Variants in SLC12A8 observed in about 807,000 individuals in gnomAD.
The protein encoded by SLC12A8 is cation-chloride cotransporter 9.
Under a neutral mutation model 75.6 loss-of-function variants are expected in SLC12A8, and 69 were observed. That is an observed-to-expected ratio of 0.91 (90% CI 0.75 to 1.11). The LOEUF (loss-of-function observed/expected upper bound fraction) is 1.11. Ranked by LOEUF, SLC12A8 falls within the 50% of genes most tolerant of loss-of-function variation. The pLI, the probability that SLC12A8 is intolerant of heterozygous loss-of-function variation, is 0.00. For missense variants in SLC12A8, 877 were observed against 896.7 expected (o/e 0.98, Z 0.28); for synonymous variants, 365 against 372.8 (o/e 0.98, Z 0.24).
At chr3:125,099,030 C>T (rs1335859882) in intron 10 of SLC12A8, among the ~76,000 whole-genome samples, 11 of 152,206 alleles carry the variant, frequency 7.2e-5, no homozygotes, top group East Asian at 3.8e-4. Context: ...ACTACGCCCA[C>T]GCCTGGGGAG....
intron 2 of SLC12A8, among the ~76,000 whole-genome samples, chr3:125,194,451 T>G (rs1275285099): frequency 3.9e-5 from 5 of 128,012 alleles, no homozygotes; most frequent in East Asian, 2.7e-4. Context: ...TTGGTGGGGG[T>G]AGGGGGTTGT....
At chr3:125,122,478 T>C (rs891010604) in intron 6 of SLC12A8, among the ~76,000 whole-genome samples, 1 of 152,098 alleles carries the variant, frequency 6.6e-6, no homozygotes, top group African/African-American at 2.4e-5. Flanking sequence ...CAAAGAGAAG[T>C]TGGGAGGAGG....
chr3:125,129,166 A>G (rs188140599), intron 6 of SLC12A8, among the ~76,000 whole-genome samples: 65 of 152,332 alleles, frequency 4.3e-4, no homozygotes, highest in Admixed American at 3.4e-3. Context: ...GTAAGAGTTT[A>G]GAATCTGGGA....
intron 2 of SLC12A8, among the ~76,000 whole-genome samples, chr3:125,204,716 G>C (rs1472333771): frequency 1.3e-5 from 2 of 152,114 alleles, no homozygotes; most frequent in Non-Finnish European, 2.9e-5. Flanking sequence ...AAAATAGCTA[G>C]AGGAGAAGAT....
At chr3:125,186,332 C>T (rs924939966) in intron 4 of SLC12A8, among the ~76,000 whole-genome samples, 9 of 152,110 alleles carry the variant, frequency 5.9e-5, no homozygotes, top group Admixed American at 1.3e-4. Flanking sequence ...ACACAGGCAC[C>T]CCCACCGCCC....
rs201636734 is a variant in SLC12A8 at position 125,091,451 on chromosome 3, C to G, written c.1909G>C (p.Gly637Arg). 1,145 of 1,613,204 alleles carry G rather than the reference C, an allele frequency of 7.1e-4. 1 individual carries two copies. The highest frequency in any genetic ancestry group is 9.4e-4 in the Non-Finnish European group (1,103 of 1,179,288). The change falls in exon 12 of 14, where the codon GGG (glycine) becomes CGG (arginine). Residue 637 changes from glycine to arginine, a missense_variant. Coordinates refer to ENST00000469902, the MANE Select transcript of SLC12A8 (RefSeq NM_024628.6). Reference sequence around the variant, plus strand: ...CTCTGCTGCTTACCAAGGTGAAGCCCTGGACTGGCCCGGCCAATGTAGAAA... The same window carrying G: ...CTCTGCTGCTTACCAAGGTGAAGCCGTGGACTGGCCCGGCCAATGTAGAAA... ...VYFYIGRASP[G>R]LHLGSASNFS...
chr3:125,177,778 T>G lies in SLC12A8; in HGVS notation c.587A>C (p.Asp196Ala). 9.9e-6 allele frequency: 16 copies of G among 1,613,950 alleles called. No homozygotes were observed. The highest frequency in any genetic ancestry group is 1.4e-5 in the Non-Finnish European group (16 of 1,179,978). The change falls in exon 5 of 14, where the codon GAC (aspartate) becomes GCC (alanine). Residue 196 changes from aspartate to alanine, a missense_variant. Transcript: ENST00000469902. ...LLFLLAVSTL[D>A]FVVGSFTHLD... is the part of the protein sequence containing the mutation. ...GTGGGTGAAAGAACCCACCACAAAG[T>G]CCAGTGTGGACACGGCCAGCAGGAA...
At chr3:125,120,439 G>A (rs970596185) in intron 7 of SLC12A8, among the ~76,000 whole-genome samples, 160 bp downstream of exon 7, 7 of 152,094 alleles carry the variant, frequency 4.6e-5, no homozygotes, top group East Asian at 1.9e-4. Flanking sequence ...CCCACCAGAC[G>A]TGAATTTTCC....
At chr3:125,183,415 A>T (rs1326977604) in intron 4 of SLC12A8, among the ~76,000 whole-genome samples, 1 of 152,098 alleles carries the variant, frequency 6.6e-6, no homozygotes, top group Non-Finnish European at 1.5e-5. Context: ...GCCTATTTTC[A>T]GGGTGTAATG....
chr3:125,121,144 C>T (rs1685465825), intron 6 of SLC12A8, among the ~76,000 whole-genome samples: 1 of 152,200 alleles, frequency 6.6e-6, no homozygotes, highest in African/African-American at 2.4e-5. Context: ...CAGGTACCAT[C>T]CTCCAAGCCC....
chr3:125,120,156 C>T (rs1933015237), intron 7 of SLC12A8, among the ~76,000 whole-genome samples: 1 of 152,170 alleles, frequency 6.6e-6, no homozygotes, highest in Non-Finnish European at 1.5e-5. Flanking sequence ...TCAGAGAACT[C>T]AGTAAATTGT....
Position 125,138,502 on chromosome 3 carries a change from T to C in SLC12A8, c.623-2720A>G, listed in dbSNP as rs77940264. Among the ~76,000 whole-genome samples the C allele has an allele frequency of 8.6e-4, 131 of 152,318 alleles. No individual in the cohort carries two copies. The East Asian group carries it at 0.016, about 18-fold the overall frequency. ...ATTTTAAATGCTTATAAAGAGTTTT[T>C]AGTATAAGAGAAAACTGTCCATGTT... is the stretch of plus-strand genomic sequence containing the variant. On this transcript the variant is annotated intron_variant, in intron 5 of 13. Coordinates refer to ENST00000469902, the MANE Select transcript of SLC12A8 (RefSeq NM_024628.6).
At chr3:125,169,572 A>G (rs1934364896) in intron 5 of SLC12A8, among the ~76,000 whole-genome samples, 1 of 152,122 alleles carries the variant, frequency 6.6e-6, no homozygotes, top group African/African-American at 2.4e-5. Context: ...AAAGCATCTG[A>G]CGAATGACAC....
chr3:125,148,203 A>G lies in SLC12A8; in HGVS notation c.623-12421T>C, dbSNP rs1933832189. On this transcript the variant is annotated intron_variant, in intron 5 of 13. Transcript: ENST00000469902. ...GGCCAACAAGGACAGCCACTTGCCA[A>G]CTCGCTATGGGGCCCAGAGATTTAA... Among the ~76,000 whole-genome samples, 4 of 152,266 alleles carry G rather than the reference A, an allele frequency of 2.6e-5. No individual in the cohort carries two copies. The South Asian group carries it at 8.3e-4, about 32-fold the overall frequency.
At chr3:125,153,646 A>ATT (rs1339357997) in intron 5 of SLC12A8, among the ~76,000 whole-genome samples, 2,022 of 151,828 alleles carry the variant, frequency 0.013, 41 homozygotes, top group African/African-American at 0.043. Context: ...TTATTTATTT[A>ATT]TATATTTTTT....
chr3:125,120,699 C>T lies in SLC12A8; in HGVS notation c.737-13G>A, dbSNP rs980120158. 1 of 1,609,486 alleles carries T rather than the reference C, an allele frequency of 6.2e-7. No homozygotes were observed. Among genetic ancestry groups the T allele is most frequent in the African/African-American group, 1.3e-5 (1 of 74,936 alleles). On this transcript the variant is annotated splice_polypyrimidine_tract_variant and intron_variant, in intron 6 of 13. Coordinates refer to ENST00000469902, the MANE Select transcript of SLC12A8 (RefSeq NM_024628.6). ...CCGGCCATGACTCCTGAAAGACACC[C>T]AGATGGGGAATGGGGTGAGCAGCCT...
chr3:125,127,413 G>A (rs956350662), intron 6 of SLC12A8, among the ~76,000 whole-genome samples: 24 of 152,190 alleles, frequency 1.6e-4, no homozygotes, highest in African/African-American at 5.5e-4. Context: ...CTCTCTTTAT[G>A]GGAAGCAACG....
At chr3:125,123,371 GAAAAAA>G (rs34868769) in intron 6 of SLC12A8, among the ~76,000 whole-genome samples, 12 of 103,946 alleles carry the variant, frequency 1.2e-4, no homozygotes, top group Admixed American at 5.3e-4. Flanking sequence ...TCCATCTCAG[GAAAAAA>G]AAAAAAAAAA....
rs1243685555 is a variant in SLC12A8 at position 125,159,479 on chromosome 3, G to A, written c.622+18264C>T. On this transcript the variant is annotated intron_variant, in intron 5 of 13. Transcript: ENST00000469902. ...ACAAAATTTCAGAAGTTAAAAAGTA[G>A]ATAGTCCAGTGGTACAGATATCAGT... Among the ~76,000 whole-genome samples the A allele has an allele frequency of 2.0e-5, 3 of 152,246 alleles. No homozygotes were observed. In the South Asian group the frequency reaches 6.2e-4, roughly 31 times the overall value.
Sources: gnomAD v4.1 joint callset for allele counts (sites outside exome capture counted in the v4.1 genomes callset) on GRCh38, gnomAD v4.1.1 for gene constraint, MANE v1.5 for transcripts, NCBI Gene and HGNC (gene_info 2026-07-23, HGNC 2026-07-21) for gene names.